Variants in RBFOX1 observed in about 807,000 individuals in gnomAD.
RBFOX1 encodes the protein RNA binding protein fox-1 homolog 1.
Under a neutral mutation model 57.7 loss-of-function variants are expected in RBFOX1, and 8 were observed. The observed-to-expected ratio is 0.14, with a 90% CI of 0.08 to 0.25. The LOEUF (loss-of-function observed/expected upper bound fraction) is 0.25. RBFOX1 is among the 10% of genes least tolerant of loss of function. RBFOX1 has a pLI of 1.00. For missense variants in RBFOX1, 611 were observed against 548.5 expected, an observed-to-expected ratio of 1.11 and a Z score of -1.14; for synonymous variants, 326 against 222.4, an observed-to-expected ratio of 1.47 and a Z score of -4.15.
At chr16:6,445,846 G>A (rs2094474132) in intron 2 of RBFOX1, among the ~76,000 whole-genome samples, 1 of 152,186 alleles carries the variant, frequency 6.6e-6, no homozygotes, top group South Asian at 2.1e-4. Flanking sequence ...CTCCCAAAGT[G>A]CTGGGATTAC....
intron 3 of RBFOX1, among the ~76,000 whole-genome samples, chr16:6,940,711 C>T (rs976579569): frequency 2.6e-5 from 4 of 151,832 alleles, no homozygotes; most frequent in Non-Finnish European, 4.4e-5. Context: ...CATTCTCCTG[C>T]CTCAGCCTCC....
intron 1 of RBFOX1, among the ~76,000 whole-genome samples, chr16:5,274,736 G>C (rs1441552104): frequency 6.6e-6 from 1 of 152,222 alleles, no homozygotes; most frequent in Non-Finnish European, 1.5e-5. Flanking sequence ...CCACCTCTCA[G>C]TCCCTTGCAT....
At chr16:5,463,992 G>C (rs1302933332) in intron 1 of RBFOX1, among the ~76,000 whole-genome samples, 1 of 152,146 alleles carries the variant, frequency 6.6e-6, no homozygotes, top group Non-Finnish European at 1.5e-5. Flanking sequence ...AGGCCTGGGA[G>C]AATCATGCTG....
chr16:5,639,939 C>A (rs2048806832), intron 3 of RBFOX1, among the ~76,000 whole-genome samples: 1 of 152,236 alleles, frequency 6.6e-6, no homozygotes, highest in African/African-American at 2.4e-5. Flanking sequence ...AGCTGAGCAT[C>A]TCTTTTACTT....
At chr16:5,854,037 A>T (rs2056963511) in intron 3 of RBFOX1, among the ~76,000 whole-genome samples, 1 of 152,346 alleles carries the variant, frequency 6.6e-6, no homozygotes, top group Non-Finnish European at 1.5e-5. Flanking sequence ...AATTTTTGCC[A>T]GCTTTATTGA....
At chr16:6,687,347 C>G (rs1020522493) in intron 3 of RBFOX1, among the ~76,000 whole-genome samples, 1 of 152,132 alleles carries the variant, frequency 6.6e-6, no homozygotes, top group Non-Finnish European at 1.5e-5. Context: ...ATGTACACTA[C>G]TTGCGTGACA....
chr16:6,248,088 G>C (rs1345787432), intron 1 of RBFOX1, among the ~76,000 whole-genome samples: 2 of 152,158 alleles, frequency 1.3e-5, no homozygotes, highest in African/African-American at 4.8e-5. Context: ...CTTTTTAAAA[G>C]CCGTCTCTCT....
At chr16:6,189,892 T>C (rs1003890129) in intron 1 of RBFOX1, among the ~76,000 whole-genome samples, 12 of 152,242 alleles carry the variant, frequency 7.9e-5, no homozygotes, top group African/African-American at 2.2e-4. Flanking sequence ...ATGTTTGCTT[T>C]GGTTGCCTGT....
At chr16:7,200,867 T>G (rs994600440) in intron 4 of RBFOX1, among the ~76,000 whole-genome samples, 2 of 152,202 alleles carry the variant, frequency 1.3e-5, no homozygotes, top group African/African-American at 2.4e-5. Flanking sequence ...TATGTGACTT[T>G]GAGGCAACTT....
intron 1 of RBFOX1, among the ~76,000 whole-genome samples, chr16:5,393,042 C>A (rs995986573): frequency 6.6e-6 from 1 of 152,080 alleles, no homozygotes; most frequent in African/African-American, 2.4e-5. Context: ...GGCTAAAAGA[C>A]CTCCGAGCAT....
chr16:6,223,721 C>T (rs1489606084), intron 1 of RBFOX1, among the ~76,000 whole-genome samples: 1 of 152,264 alleles, frequency 6.6e-6, no homozygotes, highest in East Asian at 1.9e-4. Flanking sequence ...TCCCATTTGT[C>T]AATTTTGGCT....
chr16:5,724,338 C>G (rs2052051964), intron 3 of RBFOX1, among the ~76,000 whole-genome samples: 1 of 152,134 alleles, frequency 6.6e-6, no homozygotes, highest in Admixed American at 6.5e-5. Context: ...GCTTTCACTG[C>G]CATTTGGGGA....
rs796676959 is a variant in RBFOX1 at position 6,580,928 on chromosome 16, CT to C, written c.-63-73668del. ...GCTTGCTTTTTTTTTTTTTTTTGCC[CT>C]TTTTTTCCCCCAAAATCATAATTGC... is the stretch of plus-strand genomic sequence containing the variant. On this transcript the variant is annotated intron_variant, in intron 2 of 15. Coordinates refer to ENST00000550418, the MANE Select transcript of RBFOX1 (RefSeq NM_018723.4). Among the ~76,000 whole-genome samples, 777 of 146,822 alleles carry C rather than the reference CT, an allele frequency of 5.3e-3. 41 individuals are homozygous for C. In the East Asian group the frequency reaches 0.11, roughly 21 times the overall value.
At chr16:7,190,790 C>T (rs969100150) in intron 4 of RBFOX1, among the ~76,000 whole-genome samples, 16 of 152,256 alleles carry the variant, frequency 1.1e-4, no homozygotes, top group African/African-American at 2.6e-4. Context: ...TGCTCATATT[C>T]GCCATTTCAG....
At chr16:5,645,081 C>CA (rs55903936) in intron 3 of RBFOX1, among the ~76,000 whole-genome samples, 2,456 of 144,700 alleles carry the variant, frequency 0.017, 73 homozygotes, top group African/African-American at 0.062. Context: ...ACTAAAAATA[C>CA]AAAAAAAAAA....
intron 1 of RBFOX1, among the ~76,000 whole-genome samples, chr16:6,161,573 C>G (rs1389166703): frequency 6.6e-6 from 1 of 152,104 alleles, no homozygotes; most frequent in Non-Finnish European, 1.5e-5. Context: ...GGAAATATGT[C>G]TGGAAAGGAA....
intron 2 of RBFOX1, among the ~76,000 whole-genome samples, chr16:6,448,156 C>CTTTCTTTTTTTTT (rs2094523593): frequency 8.9e-5 from 7 of 78,474 alleles, no homozygotes; most frequent in African/African-American, 3.4e-4. Context: ...TCTTTTCTTT[C>CTTTCTTTTTTTTT]TTTTTTTTTT....
intron 2 of RBFOX1, among the ~76,000 whole-genome samples, chr16:5,509,543 C>T (rs188596596): frequency 9.8e-4 from 150 of 152,322 alleles, no homozygotes; most frequent in Admixed American, 4.9e-3. Context: ...AAGTGGCTGG[C>T]GGCCCAGAGG....
At chr16:6,363,394 G>A (rs939540784) in intron 2 of RBFOX1, among the ~76,000 whole-genome samples, 4 of 152,302 alleles carry the variant, frequency 2.6e-5, no homozygotes, top group East Asian at 3.9e-4. Context: ...TGCTTGCAAA[G>A]TTGACCAGTG....
Sources: allele counts gnomAD v4.1 joint callset (sites outside exome capture counted in the v4.1 genomes callset), GRCh38; gene constraint gnomAD v4.1.1; transcripts MANE v1.5; gene names NCBI Gene and HGNC (gene_info 2026-07-23, HGNC 2026-07-21).